The following CDYL2 variants were observed in gnomAD, a reference collection of about 807,000 sequenced individuals.
The protein encoded by CDYL2 is chromodomain Y like 2.
In CDYL2, 23 loss-of-function variants were observed where a neutral mutation model predicts 49.4. That is an observed-to-expected ratio of 0.47 (90% confidence interval 0.34 to 0.66). The LOEUF is 0.66. Ranked by LOEUF, CDYL2 falls within the 30% of genes least tolerant of loss-of-function variation. The probability of loss-of-function intolerance (pLI) is 0.01; values close to 1 mark genes in which losing one functional copy is unlikely to be tolerated. For synonymous variants in CDYL2, 360 were observed against 268.8 expected, an observed-to-expected ratio of 1.34 and a Z score of -3.32; for missense variants, 678 against 656.4, an observed-to-expected ratio of 1.03 and a Z score of -0.36.
chr16:80,718,429 T>A (rs537457287), intron 1 of CDYL2, among the ~76,000 whole-genome samples: 1 of 152,274 alleles, frequency 6.6e-6, no homozygotes, highest in African/African-American at 2.4e-5. Flanking sequence ...TCATACCTAA[T>A]TTACAGGTGT....
chr16:80,766,957 T>A (rs143780885), intron 1 of CDYL2, among the ~76,000 whole-genome samples: 2 of 152,202 alleles, frequency 1.3e-5, no homozygotes, highest in African/African-American at 4.8e-5. Context: ...CAGGTACTAT[T>A]ATTGCCCCCA....
intron 1 of CDYL2, among the ~76,000 whole-genome samples, chr16:80,752,310 T>C (rs972821101): frequency 2.6e-5 from 4 of 152,092 alleles, no homozygotes; most frequent in African/African-American, 9.7e-5. Context: ...AAAGTCTGTG[T>C]CTGTCTGACT....
chr16:80,760,067 A>C lies in CDYL2; in HGVS notation c.24+44083T>G, dbSNP rs985645658. Among the ~76,000 whole-genome samples the C allele has an allele frequency of 2.0e-5, 3 of 152,194 alleles. No individual in the cohort carries two copies. In the East Asian group the frequency reaches 5.8e-4, roughly 29 times the overall value. On this transcript the variant is annotated intron_variant, in intron 1 of 6. Transcript: ENST00000570137. ...AAAATGGCGAAAATTTAGATTTATA[A>C]ATTGGGTGTCACTGTTCACTTTATA...
intron 1 of CDYL2, among the ~76,000 whole-genome samples, chr16:80,754,927 T>G (rs189228515): frequency 6.6e-6 from 1 of 152,130 alleles, no homozygotes; most frequent in Non-Finnish European, 1.5e-5. Context: ...GATGCCCCCA[T>G]GATTTACGAG....
At chr16:80,608,364 A>G in intron 5 of CDYL2, 129 bp from the exon 6 acceptor site, 1 of 1,024,934 alleles carries the variant, frequency 9.8e-7, no homozygotes, top group Non-Finnish European at 1.4e-6. Context: ...TCCTTATCTT[A>G]TTTTGGGGTC....
At chr16:80,702,748 G>A (rs551469113) in intron 1 of CDYL2, among the ~76,000 whole-genome samples, 2 of 152,234 alleles carry the variant, frequency 1.3e-5, no homozygotes, top group South Asian at 4.1e-4. Flanking sequence ...AGACCCTGTG[G>A]ACAGGTAAGG....
intron 1 of CDYL2, among the ~76,000 whole-genome samples, chr16:80,721,826 G>A (rs1214887790): frequency 6.6e-6 from 1 of 152,012 alleles, no homozygotes; most frequent in African/African-American, 2.4e-5. Context: ...TCCTTCTCCT[G>A]GTGCCATGCA....
intron 1 of CDYL2, among the ~76,000 whole-genome samples, chr16:80,725,521 T>C (rs369621114): frequency 5.3e-5 from 8 of 152,320 alleles, no homozygotes; most frequent in Admixed American, 6.5e-5. Flanking sequence ...GAAACATTCA[T>C]TGGATAATTG....
chr16:80,741,069 C>T lies in CDYL2; in HGVS notation c.25-55940G>A, dbSNP rs551242423. Reference sequence around the variant, plus strand: ...AAAAAGAATTCAAGACTTCTACTGCCAATTATTAAAAAATAAAGCTACAAT... The same window carrying T: ...AAAAAGAATTCAAGACTTCTACTGCTAATTATTAAAAAATAAAGCTACAAT... On this transcript the variant is annotated intron_variant, in intron 1 of 6. Coordinates refer to ENST00000570137, the MANE Select transcript of CDYL2 (RefSeq NM_152342.4). Among the ~76,000 whole-genome samples the T allele has an allele frequency of 6.6e-5, 10 of 150,662 alleles. No homozygotes were observed. The East Asian group carries it at 1.9e-3, about 29-fold the overall frequency.
intron 1 of CDYL2, among the ~76,000 whole-genome samples, chr16:80,729,249 G>A (rs531261600): frequency 6.6e-6 from 1 of 151,996 alleles, no homozygotes; most frequent in Non-Finnish European, 1.5e-5. Flanking sequence ...TAAAAGGATG[G>A]AGGAAGATCT....
At chr16:80,740,284 G>A (rs1905689033) in intron 1 of CDYL2, among the ~76,000 whole-genome samples, 1 of 152,136 alleles carries the variant, frequency 6.6e-6, no homozygotes, top group Non-Finnish European at 1.5e-5. Flanking sequence ...TGATCCTACT[G>A]AGATATATTC....
rs781244552 is a variant in CDYL2 at position 80,684,958 on chromosome 16, T to G, written c.196A>C (p.Ile66Leu). ...GTACTGGACTGCTTCCCTGACTTGATCCTCTTGTCCTTGGACATGTGCAAC... is the reference window on the plus strand; with the variant it reads ...GTACTGGACTGCTTCCCTGACTTGAGCCTCTTGTCCTTGGACATGTGCAAC... ...NGLHMSKDKR[I>L]KSGKQSSTSK... Residue 66 changes from isoleucine to leucine, a missense_variant, in exon 2 of 7, where the codon ATC (isoleucine) becomes CTC (leucine). Ile to Leu is a conservative substitution (Grantham distance 5, BLOSUM62 2). Transcript: ENST00000570137. 6.2e-7 allele frequency: 1 copy of G among 1,614,170 alleles called. No individual in the cohort carries two copies. Among genetic ancestry groups the G allele is most frequent in the Non-Finnish European group, 8.5e-7 (1 of 1,180,028 alleles).
At chr16:80,792,749 T>A (rs1907650420) in intron 1 of CDYL2, among the ~76,000 whole-genome samples, 2 of 152,016 alleles carry the variant, frequency 1.3e-5, no homozygotes, top group African/African-American at 4.8e-5. Context: ...GATGTGCCCA[T>A]CCCCACAGCT....
chr16:80,694,839 G>A (rs1395344105), intron 1 of CDYL2, among the ~76,000 whole-genome samples: 2 of 152,138 alleles, frequency 1.3e-5, no homozygotes, highest in African/African-American at 4.8e-5. Flanking sequence ...TAGAAGATCT[G>A]AGAGTGCTAA....
chr16:80,741,161 A>AAT (rs57415310), intron 1 of CDYL2, among the ~76,000 whole-genome samples: 23 of 149,780 alleles, frequency 1.5e-4, no homozygotes, highest in East Asian at 5.8e-4. Flanking sequence ...ATATATACAT[A>AAT]ATATATATAT....
chr16:80,658,592 T>C (rs1487415383), intron 2 of CDYL2, among the ~76,000 whole-genome samples: 1 of 152,170 alleles, frequency 6.6e-6, no homozygotes, highest in Non-Finnish European at 1.5e-5. Flanking sequence ...GACATACAAA[T>C]ATGGGATGCA....
chr16:80,789,289 A>ATATATATATT (rs1907534143), intron 1 of CDYL2, among the ~76,000 whole-genome samples: 1 of 152,174 alleles, frequency 6.6e-6, no homozygotes, highest in Non-Finnish European at 1.5e-5. Flanking sequence ...CCCAAAGGAA[A>ATATATATATT]AGAAATCATT....
intron 1 of CDYL2, among the ~76,000 whole-genome samples, chr16:80,756,861 G>C (rs1244929097): frequency 7.8e-6 from 1 of 127,780 alleles, no homozygotes; most frequent in Admixed American, 7.8e-5. Context: ...GTATAAATTA[G>C]TAAAAAAAAA....
chr16:80,654,789 C>G (rs1465028339), intron 2 of CDYL2, among the ~76,000 whole-genome samples: 1 of 152,250 alleles, frequency 6.6e-6, no homozygotes. Context: ...GTATTGTTCC[C>G]TTACCAAAAG....
Sources: allele counts gnomAD v4.1 joint callset (sites outside exome capture counted in the v4.1 genomes callset), GRCh38; gene constraint gnomAD v4.1.1; transcripts MANE v1.5; gene names NCBI Gene and HGNC (gene_info 2026-07-23, HGNC 2026-07-21).